HUWE1: variants seen among roughly 807,000 people sequenced by gnomAD.
HUWE1 encodes HECT, UBA and WWE domain containing E3 ubiquitin protein ligase 1, also known as E3 ubiquitin-protein ligase HUWE1.
HUWE1 carries 18 observed loss-of-function variants against 299.4 expected under a neutral mutation model. The observed-to-expected ratio is 0.06, with a 90% CI of 0.04 to 0.09. The LOEUF (loss-of-function observed/expected upper bound fraction) is 0.09. Among genes scored for constraint, HUWE1 ranks in the 10% least tolerant of loss-of-function variants. The pLI is 1.00. For synonymous variants in HUWE1, 1,317 were observed against 1,286.1 expected (o/e 1.02, Z -0.51); for missense variants, 1,832 against 3,462.3 (o/e 0.53, Z 11.82).
intron 53 of HUWE1, 95 bp from the exon 54 acceptor site, chrX:53,562,339 ATC>A (rs2062333843): frequency 9.6e-7 from 1 of 1,045,321 alleles, no homozygotes; most frequent in Non-Finnish European, 1.3e-6. Flanking sequence ...GTGATGGGAT[ATC>A]TGACTCTATG....
intron 3 of HUWE1, among the ~76,000 whole-genome samples, chrX:53,667,562 G>A (rs917433338): frequency 1.8e-5 from 2 of 111,972 alleles, no homozygotes; most frequent in Admixed American, 9.5e-5. Context: ...AAACAAAATG[G>A]TTATGTGGGT....
At chrX:53,668,509 A>T (rs1557048351) in intron 3 of HUWE1, among the ~76,000 whole-genome samples, 1 of 110,147 alleles carries the variant, frequency 9.1e-6, no homozygotes, top group African/African-American at 3.3e-5. Flanking sequence ...GAAGTAAAGG[A>T]CAACAGCATA....
At chrX:53,571,342 T>C (rs1286252707) in intron 47 of HUWE1, among the ~76,000 whole-genome samples, 5 of 112,857 alleles carry the variant, frequency 4.4e-5, no homozygotes, top group African/African-American at 1.6e-4. Context: ...CTAGGTGTGA[T>C]GGCTCATGCC....
At chrX:53,626,204 T>A (rs1557017617) in intron 17 of HUWE1, among the ~76,000 whole-genome samples, 2 of 86,428 alleles carry the variant, frequency 2.3e-5, no homozygotes, top group Admixed American at 2.9e-4. Context: ...TATTAATACG[T>A]ACATACATAC....
At chrX:53,646,309 C>A (rs2068042481) in intron 6 of HUWE1, among the ~76,000 whole-genome samples, 2 of 109,996 alleles carry the variant, frequency 1.8e-5, no homozygotes, top group African/African-American at 6.6e-5. Context: ...AGGCACGCAC[C>A]ACCACGCCCC....
chrX:53,626,998 A>G (rs2066554088), intron 17 of HUWE1, among the ~76,000 whole-genome samples: 1 of 111,373 alleles, frequency 9.0e-6, no homozygotes, highest in Non-Finnish European at 1.9e-5. Flanking sequence ...AAAAGGTCCC[A>G]TTTTAGTCTC....
At chrX:53,631,236 T>C (rs782106539) in intron 11 of HUWE1, among the ~76,000 whole-genome samples, 178 bp downstream of exon 11, 1 of 111,670 alleles carries the variant, frequency 9.0e-6, no homozygotes. Flanking sequence ...TAGGAAGTTA[T>C]TAAGTGTTAA....
chrX:53,606,306 G>C (rs2065150561), intron 25 of HUWE1, among the ~76,000 whole-genome samples: 1 of 112,053 alleles, frequency 8.9e-6, no homozygotes, highest in Non-Finnish European at 1.9e-5. Flanking sequence ...CAATGAATTT[G>C]AATAGACATT....
At position 53,652,688 on chromosome X, in the gene HUWE1, G is replaced by A. The variant is rs113448344; in HGVS notation, c.45+1375C>T. ...TTCCAACAGATATGAAAATGAGTAC[G>A]TTCAATATATATGGCATTCAGTAAG... On this transcript the variant is annotated intron_variant, in intron 4 of 83. Coordinates refer to ENST00000262854, the MANE Select transcript of HUWE1 (RefSeq NM_031407.7). 3.9e-3 allele frequency among the ~76,000 whole-genome samples: 440 copies of A among 111,919 alleles called. 1 individual carries two copies. Among genetic ancestry groups the A allele is most frequent in the African/African-American group, 0.014 (428 of 30,794 alleles).
intron 19 of HUWE1, among the ~76,000 whole-genome samples, chrX:53,621,643 T>G (rs2066153541): frequency 9.1e-6 from 1 of 109,975 alleles, no homozygotes; most frequent in African/African-American, 3.3e-5. Flanking sequence ...CACACTCCAC[T>G]TTCACTATTT....
chrX:53,550,895 C>T lies in HUWE1; in HGVS notation c.9385+6G>A, dbSNP rs782034423. Reference sequence around the variant, plus strand: ...CCAGAGCCCTCCCACTTGCCTCCCTCTGTACCCGGGCTTCGGAGAATAGCA... The same window carrying T: ...CCAGAGCCCTCCCACTTGCCTCCCTTTGTACCCGGGCTTCGGAGAATAGCA... On this transcript the variant is annotated splice_donor_region_variant and intron_variant, in intron 65 of 83. Transcript: ENST00000262854. 31 of 1,210,120 alleles carry T rather than the reference C, an allele frequency of 2.6e-5. No homozygotes were observed. The highest frequency in any genetic ancestry group is 1.3e-5 in the Non-Finnish European group (12 of 895,135).
At chrX:53,652,606 C>CA (rs1400730787) in intron 4 of HUWE1, among the ~76,000 whole-genome samples, 1 of 111,712 alleles carries the variant, frequency 9.0e-6, no homozygotes, top group Non-Finnish European at 1.9e-5. Context: ...ACACAGTTGT[C>CA]AAAACTTCTA....
intron 43 of HUWE1, among the ~76,000 whole-genome samples, chrX:53,578,547 C>G (rs1332985047): frequency 3.2e-5 from 3 of 95,066 alleles, no homozygotes; most frequent in East Asian, 3.6e-4. Context: ...GTCAGCCCCC[C>G]GCCCGGCCAG....
chrX:53,560,327 C>A lies in HUWE1; in HGVS notation c.7597G>T (p.Gly2533Cys). Residue 2533 changes from glycine to cysteine, a missense_variant, in exon 56 of 84, where the codon GGC becomes TGC. By Grantham distance (159) the Gly-to-Cys change is radical. Around this residue, in one of 15 missense-constraint regions of HUWE1, gnomAD observed 170 missense variants for 335.8 expected, o/e 0.51. Coordinates refer to ENST00000262854, the MANE Select transcript of HUWE1 (RefSeq NM_031407.7). ...ADHSSLTLGS[G>C]SSTTRLTQGI... ...TGGGTGAGACGAGTTGTTGAAGAGC[C>A]ACTGCCCAGTGTCAGAGAACTGTGG... is the stretch of plus-strand genomic sequence containing the variant. The A allele has an allele frequency of 8.3e-7, 1 of 1,211,749 alleles. No homozygotes were observed. The highest frequency in any genetic ancestry group is 1.1e-6 in the Non-Finnish European group (1 of 895,493).
Position 53,576,949 on chromosome X carries a change from C to T in HUWE1, c.5835G>A (p.Val1945=). ...CCAGAGCATTCAGCATATCATAGAT[C>T]ACTTCCTTGATAGTATCAGGGATGA... is the stretch of plus-strand genomic sequence containing the variant. The part of the protein sequence containing the change: ...LPVIPDTIKE[V]IYDMLNALAA... The change falls in exon 44 of 84, where the codon GTG becomes GTA. Residue 1945 remains valine (V), a synonymous_variant. Coordinates refer to ENST00000262854, the MANE Select transcript of HUWE1 (RefSeq NM_031407.7). 1 of 1,208,372 alleles carries T rather than the reference C, an allele frequency of 8.3e-7. No individual in the cohort carries two copies. The highest frequency in any genetic ancestry group is 1.1e-6 in the Non-Finnish European group (1 of 892,538).
chrX:53,646,525 AGTAT>A (rs2068062279), intron 6 of HUWE1, among the ~76,000 whole-genome samples: 1 of 111,876 alleles, frequency 8.9e-6, no homozygotes, highest in Non-Finnish European at 1.9e-5. Flanking sequence ...AATTAAAATC[AGTAT>A]GTAATATAGC....
In HUWE1 at chrX:53,592,335, C is replaced by T. The variant is rs1602944626; in HGVS notation, c.3972+63G>A. The T allele has an allele frequency of 2.8e-5, 23 of 816,929 alleles. No individual in the cohort carries two copies. The South Asian group carries it at 3.2e-4, about 12-fold the overall frequency. 67.3% of individuals were successfully genotyped at this position (816,929 alleles called of 1,213,427 possible). Reference sequence around the variant, plus strand: ...CAGTGGTATGTGAGCTTAGAAAATCCGTAAGCATCACACTCCATTGGGTGC... The same window carrying T: ...CAGTGGTATGTGAGCTTAGAAAATCTGTAAGCATCACACTCCATTGGGTGC... On this transcript the variant is annotated intron_variant, in intron 33 of 83. Transcript: ENST00000262854.
chrX:53,601,732 G>A lies in HUWE1; in HGVS notation c.2971+832C>T, dbSNP rs1387785321. On this transcript the variant is annotated intron_variant, in intron 28 of 83. Transcript: ENST00000262854. Reference sequence around the variant, plus strand: ...TGCCCAGGCTGGAGTGCAATGGCGCGATTTCGGCTCACTGCAACCTCCACC... The same window carrying A: ...TGCCCAGGCTGGAGTGCAATGGCGCAATTTCGGCTCACTGCAACCTCCACC... Among the ~76,000 whole-genome samples the A allele has an allele frequency of 1.6e-4, 17 of 103,570 alleles. No individual in the cohort carries two copies. The East Asian group carries it at 4.3e-3, about 26-fold the overall frequency. The allele number at this position is 103,570 out of a possible 115,157, so 89.9% of individuals were successfully genotyped here.
rs185522040 is a variant in HUWE1 at position 53,603,593 on chromosome X, A to G, written c.2743-92T>C. The G allele has an allele frequency of 6.4e-5, 57 of 889,703 alleles. No individual in the cohort carries two copies. The African/African-American group carries it at 9.7e-4, about 15-fold the overall frequency. The allele number at this position is 889,703 out of a possible 1,213,427, so 73.3% of individuals were successfully genotyped here. A position where few individuals can be genotyped will look rare whatever the true frequency, so the allele number is the denominator to read the frequency against. On this transcript the variant is annotated intron_variant, in intron 26 of 83. Coordinates refer to ENST00000262854, the MANE Select transcript of HUWE1 (RefSeq NM_031407.7). ...TGACCTTCAACAGTTTTATAAGGGT[A>G]AGGGATTTTTCTTCATTGCTATTCT...
Sources: allele counts gnomAD v4.1 joint callset (sites outside exome capture counted in the v4.1 genomes callset), GRCh38; gene constraint gnomAD v4.1.1; regional missense constraint gnomAD v4.1.1; transcripts MANE v1.5; gene names NCBI Gene and HGNC (gene_info 2026-07-23, HGNC 2026-07-21).